Variants in ATRNL1 observed in about 807,000 individuals in gnomAD.
The protein encoded by ATRNL1 is attractin-like protein 1.
Under a neutral mutation model 182.7 loss-of-function variants are expected in ATRNL1, and 95 were observed. The observed-to-expected ratio is 0.52, with a 90% CI of 0.44 to 0.62. The LOEUF (loss-of-function observed/expected upper bound fraction) is 0.62. Among genes scored for constraint, ATRNL1 ranks in the 20% least tolerant of loss-of-function variants. ATRNL1 has a pLI of 0.00. For missense variants in ATRNL1, 1,471 were observed against 1,679.5 expected (o/e 0.88, Z 2.17); for synonymous variants, 576 against 568.3 (o/e 1.01, Z -0.19).
chr10:115,377,982 C>T (rs1189660771), intron 19 of ATRNL1, among the ~76,000 whole-genome samples: 1 of 152,046 alleles, frequency 6.6e-6, no homozygotes, highest in Non-Finnish European at 1.5e-5. Flanking sequence ...ACTACTGTGG[C>T]TTCTTCTGCA....
chr10:115,200,057 A>C (rs546905456), intron 8 of ATRNL1, among the ~76,000 whole-genome samples: 1 of 152,200 alleles, frequency 6.6e-6, no homozygotes, highest in Non-Finnish European at 1.5e-5. Flanking sequence ...CTATGTTAGC[A>C]AGATGAACTA....
chr10:115,741,828 A>T (rs1948148073), intron 27 of ATRNL1, among the ~76,000 whole-genome samples: 3 of 152,220 alleles, frequency 2.0e-5, no homozygotes, highest in Non-Finnish European at 4.4e-5. Flanking sequence ...CATGGGAGTG[A>T]GAAAAGAGAA....
chr10:115,637,603 CTATTATTAT>C (rs3087071), intron 26 of ATRNL1, among the ~76,000 whole-genome samples: 107 of 141,808 alleles, frequency 7.5e-4, no homozygotes, highest in African/African-American at 1.2e-3. Flanking sequence ...CAATTTATTA[CTATTATTAT>C]TATTATTATT....
At chr10:115,812,776 C>G (rs1260115343) in intron 27 of ATRNL1, among the ~76,000 whole-genome samples, 16 of 151,966 alleles carry the variant, frequency 1.1e-4, no homozygotes, top group Non-Finnish European at 1.6e-4. Context: ...CGTGCCTGGC[C>G]TTTCCCCTTT....
intron 27 of ATRNL1, among the ~76,000 whole-genome samples, chr10:115,824,433 C>T (rs962269461): frequency 1.6e-4 from 24 of 152,214 alleles, no homozygotes; most frequent in African/African-American, 5.8e-4. Context: ...AAAATGGGAT[C>T]TAATTAAACT....
chr10:115,430,445 TC>T (rs1487921253), intron 21 of ATRNL1, among the ~76,000 whole-genome samples: 2 of 152,142 alleles, frequency 1.3e-5, no homozygotes, highest in African/African-American at 4.8e-5. Flanking sequence ...ATTTATGAAT[TC>T]CTTTTTTATC....
At chr10:115,124,547 C>A (rs1789360843) in intron 3 of ATRNL1, among the ~76,000 whole-genome samples, 1 of 152,140 alleles carries the variant, frequency 6.6e-6, no homozygotes, top group Non-Finnish European at 1.5e-5. Flanking sequence ...GTGATTGAAT[C>A]ATTGGCCATG....
intron 19 of ATRNL1, among the ~76,000 whole-genome samples, chr10:115,374,507 CCTT>C (rs1245359429): frequency 1.6e-5 from 2 of 126,756 alleles, no homozygotes; most frequent in Admixed American, 8.0e-5. Flanking sequence ...CTTTCTTCCT[CCTT>C]CTTCCTTCTT....
chr10:115,513,597 T>TC (rs1433710216), intron 24 of ATRNL1, among the ~76,000 whole-genome samples: 1 of 152,000 alleles, frequency 6.6e-6, no homozygotes, highest in Admixed American at 6.6e-5. Flanking sequence ...AAGGAGGGAA[T>TC]CTTGAAAGAG....
At chr10:115,733,731 C>T (rs946675479) in intron 27 of ATRNL1, among the ~76,000 whole-genome samples, 2 of 152,010 alleles carry the variant, frequency 1.3e-5, no homozygotes, top group Admixed American at 1.3e-4. Context: ...TTTAATTTTC[C>T]CCAGGTTTCC....
intron 19 of ATRNL1, among the ~76,000 whole-genome samples, chr10:115,366,443 G>T (rs1246533735): frequency 6.6e-6 from 1 of 152,100 alleles, no homozygotes; most frequent in Non-Finnish European, 1.5e-5. Flanking sequence ...CCTGAATACA[G>T]CACACTGATG....
At chr10:115,254,789 A>G (rs1429381914) in intron 10 of ATRNL1, among the ~76,000 whole-genome samples, 1 of 152,124 alleles carries the variant, frequency 6.6e-6, no homozygotes, top group Non-Finnish European at 1.5e-5. Flanking sequence ...TAAGTCTTTA[A>G]TCCATCTTGA....
intron 27 of ATRNL1, 83 bp from the exon 28 acceptor site, chr10:115,847,794 C>A: frequency 1.3e-6 from 1 of 750,984 alleles, no homozygotes; most frequent in Non-Finnish European, 2.4e-6. Context: ...TACAGCACAG[C>A]TACCTAAAGG....
intron 28 of ATRNL1, among the ~76,000 whole-genome samples, chr10:115,942,532 T>A (rs1417263558): frequency 6.6e-6 from 1 of 152,214 alleles, no homozygotes; most frequent in Non-Finnish European, 1.5e-5. Context: ...AGTGCTCACA[T>A]CCCTTTACTG....
chr10:115,946,111 A>C lies in ATRNL1; in HGVS notation c.*1332A>C, dbSNP rs1565509128. The C allele has an allele frequency of 6.6e-6, 1 of 152,268 alleles. No homozygotes were observed. Among genetic ancestry groups the C allele is most frequent in the Non-Finnish European group, 1.5e-5 (1 of 68,050 alleles). The allele number at this position is 152,268 out of a possible 1,614,324, so 9.4% of individuals were successfully genotyped here. ...CTCACTTCAGGGTGACAAGATATGT[A>C]TAACAGTGACAGAAATCTCCAAAGC... is the stretch of plus-strand genomic sequence containing the variant. On this transcript the variant is annotated 3_prime_UTR_variant, in exon 29 of 29. Transcript: ENST00000355044.
chr10:115,452,632 C>T lies in ATRNL1; in HGVS notation c.3323-9309C>T, dbSNP rs192367294. On this transcript the variant is annotated intron_variant, in intron 21 of 28. Coordinates refer to ENST00000355044, the MANE Select transcript of ATRNL1 (RefSeq NM_207303.4). ...AATAATTATACATCTATGAAACCAT[C>T]AGCACAATCAAGACTATAAATATAT... Among the ~76,000 whole-genome samples the T allele has an allele frequency of 6.5e-3, 984 of 152,194 alleles. 12 individuals carry two copies. Among genetic ancestry groups the T allele is most frequent in the African/African-American group, 0.022 (933 of 41,554 alleles).
intron 11 of ATRNL1, among the ~76,000 whole-genome samples, chr10:115,266,373 C>T (rs868971293): frequency 2.0e-5 from 3 of 151,588 alleles, no homozygotes; most frequent in African/African-American, 7.2e-5. Flanking sequence ...TTCTAGATAG[C>T]AGTTCTAAAG....
intron 19 of ATRNL1, among the ~76,000 whole-genome samples, chr10:115,362,800 T>C (rs1185927150): frequency 6.6e-6 from 1 of 151,918 alleles, no homozygotes. Context: ...GATAGTTTAC[T>C]GAGAATGATG....
chr10:115,585,245 T>G lies in ATRNL1; in HGVS notation c.3795+35709T>G, dbSNP rs1468326195. Among the ~76,000 whole-genome samples, 5 of 81,832 alleles carry G rather than the reference T, an allele frequency of 6.1e-5. No homozygotes were observed. In the East Asian group the frequency reaches 1.2e-3, roughly 20 times the overall value. The allele number at this position is 81,832 out of a possible 152,430, so 53.7% of individuals were successfully genotyped here. ...ATTCTGTTGATTTGGGGTGGAGAGT[T>G]CTGTAGATGTCTATTAGGTCTGCTT... On this transcript the variant is annotated intron_variant, in intron 26 of 28. Transcript: ENST00000355044.
Sources: gnomAD v4.1 joint callset for allele counts (sites outside exome capture counted in the v4.1 genomes callset) on GRCh38, gnomAD v4.1.1 for gene constraint, MANE v1.5 for transcripts, NCBI Gene and HGNC (gene_info 2026-07-23, HGNC 2026-07-21) for gene names.